The following RRP15 variants were observed in gnomAD, a reference collection of about 807,000 sequenced individuals.
RRP15 encodes ribosomal RNA processing 15 homolog, also known as RRP15-like protein.
RRP15 carries 18 observed loss-of-function variants against 27.1 expected under a neutral mutation model. That is an observed-to-expected ratio of 0.66 (90% confidence interval 0.46 to 0.98). The LOEUF (loss-of-function observed/expected upper bound fraction) is 0.98, where lower values mean the gene tolerates loss of function less well. RRP15 is among the 50% of genes least tolerant of loss of function. RRP15 has a pLI of 0.00. For synonymous variants in RRP15, 107 were observed against 109.4 expected, an observed-to-expected ratio of 0.98 and a Z score of 0.14; for missense variants, 359 against 337.8, an observed-to-expected ratio of 1.06 and a Z score of -0.49.
At chr1:218,288,696 G>A (rs1655588028) in intron 1 of RRP15, among the ~76,000 whole-genome samples, 1 of 152,354 alleles carries the variant, frequency 6.6e-6, no homozygotes, top group East Asian at 1.9e-4. Flanking sequence ...TATCTGGAAA[G>A]TGAAAGCGTT....
chr1:218,334,227 G>A lies in RRP15; in HGVS notation c.*3136G>A, dbSNP rs1353978739. On this transcript the variant is annotated 3_prime_UTR_variant, in exon 5 of 5. Transcript: ENST00000366932. ...TTATTTTCAAATTACCTAGAATTCTGCATTGCTCAAACATTATTCAATTGA... is the reference window on the plus strand; with the variant it reads ...TTATTTTCAAATTACCTAGAATTCTACATTGCTCAAACATTATTCAATTGA... 6.6e-6 allele frequency: 1 copy of A among 152,114 alleles called. No homozygotes were observed. The highest frequency in any genetic ancestry group is 2.4e-5 in the African/African-American group (1 of 41,406). The allele number at this position is 152,114 out of a possible 1,614,324, so 9.4% of individuals were successfully genotyped here.
chr1:218,302,413 G>A lies in RRP15; in HGVS notation c.259G>A (p.Gly87Arg). ...TGAAAATGATGGAGAATCAAGTGTT[G>A]GGACTAATATGGGCTGGGCAGATGC... is the stretch of plus-strand genomic sequence containing the variant. The part of the protein sequence containing the change: ...ENENDGESSV[G>R]TNMGWADAMA... The change falls in exon 2 of 5, where the codon GGG (glycine) becomes AGG (arginine). Residue 87 changes from glycine to arginine, a missense_variant. By Grantham distance (125) the Gly-to-Arg change is moderately radical. Transcript: ENST00000366932. 2 of 1,613,986 alleles carry A rather than the reference G, an allele frequency of 1.2e-6. No individual in the cohort carries two copies. The highest frequency in any genetic ancestry group is 2.2e-5 in the South Asian group (2 of 91,074).
At chr1:218,319,931 T>C (rs1414580517) in intron 4 of RRP15, among the ~76,000 whole-genome samples, 1 of 151,732 alleles carries the variant, frequency 6.6e-6, no homozygotes, top group Non-Finnish European at 1.5e-5. Flanking sequence ...TCTGAATATT[T>C]CAAACAACTA....
intron 1 of RRP15, among the ~76,000 whole-genome samples, chr1:218,289,423 C>T (rs528795219): frequency 2.0e-5 from 3 of 152,272 alleles, no homozygotes; most frequent in Admixed American, 1.3e-4. Flanking sequence ...CATAATCTAA[C>T]CATTAGATCA....
At chr1:218,298,801 G>A (rs1252735850) in intron 1 of RRP15, among the ~76,000 whole-genome samples, 1 of 152,188 alleles carries the variant, frequency 6.6e-6, no homozygotes, top group Non-Finnish European at 1.5e-5. Context: ...AGGCTCTTGT[G>A]GCTAGTGGCT....
At chr1:218,289,145 C>T (rs567356050) in intron 1 of RRP15, among the ~76,000 whole-genome samples, 7 of 152,312 alleles carry the variant, frequency 4.6e-5, no homozygotes, top group African/African-American at 1.7e-4. Flanking sequence ...GATGTCTCTT[C>T]TGACCTAAAA....
chr1:218,321,432 T>C (rs1265462861), intron 4 of RRP15, among the ~76,000 whole-genome samples: 1 of 152,230 alleles, frequency 6.6e-6, no homozygotes, highest in Non-Finnish European at 1.5e-5. Context: ...CAGTTTATAC[T>C]TTACGATTTA....
Position 218,335,767 on chromosome 1 carries a change from T to C in RRP15, c.*4676T>C, listed in dbSNP as rs1419684703. On this transcript the variant is annotated 3_prime_UTR_variant, in exon 5 of 5. Coordinates refer to ENST00000366932, the MANE Select transcript of RRP15 (RefSeq NM_016052.4). ...CTTTTTCCATAAACTTTTATTGATA[T>C]AATTTAGGCATATACAAATACTGGT... 1.3e-5 allele frequency: 2 copies of C among 152,196 alleles called. No individual in the cohort carries two copies. The highest frequency in any genetic ancestry group is 4.8e-5 in the African/African-American group (2 of 41,462). 9.4% of individuals were successfully genotyped at this position (152,196 alleles called of 1,614,324 possible).
At chr1:218,308,333 A>G (rs1373109371) in intron 4 of RRP15, among the ~76,000 whole-genome samples, 5 of 151,734 alleles carry the variant, frequency 3.3e-5, no homozygotes, top group Non-Finnish European at 7.4e-5. Flanking sequence ...CGGCCTTCCA[A>G]AGTGCTGGGA....
chr1:218,286,146 C>T (rs906174065), intron 1 of RRP15, among the ~76,000 whole-genome samples: 8 of 152,046 alleles, frequency 5.3e-5, no homozygotes, highest in African/African-American at 1.7e-4. Context: ...CAGCTGATAC[C>T]CAAAAAACAG....
chr1:218,328,688 A>G (rs936567173), intron 4 of RRP15, among the ~76,000 whole-genome samples: 9 of 151,854 alleles, frequency 5.9e-5, no homozygotes, highest in Admixed American at 1.3e-4. Flanking sequence ...TTTTTTTTCC[A>G]TGTTCCCTTT....
chr1:218,324,173 G>A (rs762507685), intron 4 of RRP15, among the ~76,000 whole-genome samples: 42 of 152,184 alleles, frequency 2.8e-4, no homozygotes, highest in Non-Finnish European at 5.7e-4. Flanking sequence ...TGGCCCCATC[G>A]CTGTGATTCC....
intron 4 of RRP15, among the ~76,000 whole-genome samples, chr1:218,310,930 G>A (rs530691772): frequency 6.6e-6 from 1 of 151,866 alleles, no homozygotes; most frequent in South Asian, 2.1e-4. Context: ...TGTATTTTTA[G>A]TAGAGACAGG....
rs1359801256 is a variant in RRP15 at position 218,334,563 on chromosome 1, G to A, written c.*3472G>A. On this transcript the variant is annotated 3_prime_UTR_variant, in exon 5 of 5. Transcript: ENST00000366932. ...TGTAGAGCTGTGAATATTATAATTTGTCAATACTTTATTGATAATGTTAAC... is the reference window on the plus strand; with the variant it reads ...TGTAGAGCTGTGAATATTATAATTTATCAATACTTTATTGATAATGTTAAC... 6.6e-6 allele frequency: 1 copy of A among 152,122 alleles called. No individual in the cohort carries two copies. Among genetic ancestry groups the A allele is most frequent in the Non-Finnish European group, 1.5e-5 (1 of 68,016 alleles). The allele number at this position is 152,122 out of a possible 1,614,324, so 9.4% of individuals were successfully genotyped here. A position where few individuals can be genotyped will look rare whatever the true frequency, so the allele number is the denominator to read the frequency against.
chr1:218,324,594 A>G (rs1461158321), intron 4 of RRP15, among the ~76,000 whole-genome samples: 1 of 152,222 alleles, frequency 6.6e-6, no homozygotes, highest in East Asian at 1.9e-4. Flanking sequence ...TCACTAACTC[A>G]TGTGCATATG....
intron 1 of RRP15, among the ~76,000 whole-genome samples, chr1:218,289,248 T>C (rs1477499796): frequency 1.3e-5 from 2 of 152,216 alleles, no homozygotes; most frequent in Non-Finnish European, 2.9e-5. Context: ...GAAAAGAGGT[T>C]TGAATTATTC....
At chr1:218,327,311 TTTTC>T (rs1002772867) in intron 4 of RRP15, among the ~76,000 whole-genome samples, 1 of 152,018 alleles carries the variant, frequency 6.6e-6, no homozygotes, top group Non-Finnish European at 1.5e-5. Context: ...TAAAACAAGG[TTTTC>T]TTTATTTTTT....
At chr1:218,328,683 T>C (rs1376140061) in intron 4 of RRP15, among the ~76,000 whole-genome samples, 4 of 152,100 alleles carry the variant, frequency 2.6e-5, no homozygotes, top group Non-Finnish European at 2.9e-5. Flanking sequence ...AAAATTTTTT[T>C]TTCCATGTTC....
At chr1:218,296,487 C>G (rs1655720854) in intron 1 of RRP15, among the ~76,000 whole-genome samples, 1 of 151,750 alleles carries the variant, frequency 6.6e-6, no homozygotes. Context: ...GACTTCATCT[C>G]TACAAAAAAT....
Sources: allele counts gnomAD v4.1 joint callset (sites outside exome capture counted in the v4.1 genomes callset), GRCh38; gene constraint gnomAD v4.1.1; transcripts MANE v1.5; gene names NCBI Gene and HGNC (gene_info 2026-07-23, HGNC 2026-07-21).